The following PACS1 variants were observed in gnomAD, a reference collection of about 807,000 sequenced individuals.
PACS1 encodes phosphofurin acidic cluster sorting protein 1, also known as PACS-1.
In PACS1, 24 loss-of-function variants were observed where a neutral mutation model predicts 115.0. The ratio of observed to expected loss-of-function variants is 0.21; its 90% CI spans 0.15 to 0.29. The LOEUF (loss-of-function observed/expected upper bound fraction) is 0.29. PACS1 is among the 10% of genes least tolerant of loss of function. The pLI is 1.00. For synonymous variants in PACS1, 453 were observed against 504.5 expected (o/e 0.90, Z 1.37); for missense variants, 838 against 1,251.2 (o/e 0.67, Z 4.98).
chr11:66,071,021 C>T (rs1857299918), intron 1 of PACS1, among the ~76,000 whole-genome samples, 179 bp downstream of exon 1: 1 of 152,244 alleles, frequency 6.6e-6, no homozygotes, highest in South Asian at 2.1e-4. Flanking sequence ...CCTCTCCTGG[C>T]AGCCCCACCT....
intron 1 of PACS1, among the ~76,000 whole-genome samples, chr11:66,109,960 C>T (rs900779085): frequency 6.6e-6 from 1 of 152,176 alleles, no homozygotes; most frequent in Non-Finnish European, 1.5e-5. Flanking sequence ...ATAAACGGCA[C>T]AAGTGATTTG....
intron 21 of PACS1, chr11:66,241,125 C>G (rs994083405): frequency 1.2e-5 from 4 of 341,350 alleles, no homozygotes; most frequent in African/African-American, 8.3e-5. Context: ...TGCACGCATG[C>G]ACTTATGTAC....
chr11:66,075,798 G>A (rs951448620), intron 1 of PACS1, among the ~76,000 whole-genome samples: 15 of 150,342 alleles, frequency 1.0e-4, no homozygotes, highest in African/African-American at 3.4e-4. Flanking sequence ...GAATGCAGTG[G>A]CGCGATCTGG....
At chr11:66,097,015 TG>T (rs1479399808) in intron 1 of PACS1, among the ~76,000 whole-genome samples, 2 of 152,076 alleles carry the variant, frequency 1.3e-5, no homozygotes, top group Admixed American at 6.6e-5. Context: ...TTCATTTCTT[TG>T]GGGGTACATA....
chr11:66,195,922 T>C (rs2134677197), intron 2 of PACS1, among the ~76,000 whole-genome samples: 1 of 152,306 alleles, frequency 6.6e-6, no homozygotes, highest in East Asian at 1.9e-4. Context: ...TTCATGATAA[T>C]ACTGTGGCAT....
chr11:66,168,976 T>C (rs954134681), intron 1 of PACS1, among the ~76,000 whole-genome samples: 1 of 150,448 alleles, frequency 6.6e-6, no homozygotes, highest in African/African-American at 2.5e-5. Context: ...GTTTCTTCCA[T>C]TTCAAACTTC....
At chr11:66,110,754 A>G (rs1858169803) in intron 1 of PACS1, among the ~76,000 whole-genome samples, 1 of 152,050 alleles carries the variant, frequency 6.6e-6, no homozygotes. Context: ...ATTTTAGTAG[A>G]GACGGGGTTT....
In PACS1 at chr11:66,070,492, G is replaced by C; in HGVS notation, c.6G>C (p.Ala2=). ...AACCCCCGCCTAGCCGGGCCATGGC[G>C]GAACGCGGAGGGGCGGGCGGTGGTC... M[A]ERGGAGGGPG... is the part of the protein sequence containing the mutation. Residue 2 remains alanine, a synonymous_variant, in exon 1 of 24, where the codon GCG becomes GCC. Transcript: ENST00000320580. The surrounding 1 kb of genome is among the most constrained non-coding windows in gnomAD (Gnocchi z 5.9). 1 of 1,287,084 alleles carries C rather than the reference G, an allele frequency of 7.8e-7. No individual in the cohort carries two copies. The allele number at this position is 1,287,084 out of a possible 1,614,324, so 79.7% of individuals were successfully genotyped here.
intron 1 of PACS1, among the ~76,000 whole-genome samples, chr11:66,190,924 A>G (rs561618927): frequency 2.6e-5 from 4 of 152,272 alleles, no homozygotes; most frequent in African/African-American, 9.6e-5. Flanking sequence ...GGAGGCGGTG[A>G]CGTGATGGGG....
Position 66,098,197 on chromosome 11 carries a change from GAGTA to G in PACS1, c.356+27358_356+27361del, listed in dbSNP as rs143025601. On this transcript the variant is annotated intron_variant, in intron 1 of 23. Transcript: ENST00000320580. The stretch of plus-strand genomic sequence containing the variant: ...GTCTCAAAAATAATAAAAATAATAA[GAGTA>G]AGAATAATCAATATGTTTGTCTTTT... 8.3e-3 allele frequency among the ~76,000 whole-genome samples: 1,256 copies of G among 152,156 alleles called. 82 individuals carry two copies. The East Asian group carries it at 0.17, about 21-fold the overall frequency.
chr11:66,221,368 C>G (rs1303863201), intron 10 of PACS1, 121 bp downstream of exon 10: 2 of 833,042 alleles, frequency 2.4e-6, no homozygotes, highest in Admixed American at 4.1e-5. Context: ...GCCCCATTGG[C>G]TGGGCATGGT....
intron 21 of PACS1, among the ~76,000 whole-genome samples, chr11:66,239,846 T>C (rs1304977506): frequency 6.6e-6 from 1 of 152,224 alleles, no homozygotes; most frequent in African/African-American, 2.4e-5. Context: ...GTGGCCACCT[T>C]GCAGGACTGT....
intron 1 of PACS1, among the ~76,000 whole-genome samples, chr11:66,160,872 T>C (rs564453897): frequency 1.3e-5 from 2 of 152,070 alleles, no homozygotes; most frequent in East Asian, 3.9e-4. Context: ...AATAGAACAG[T>C]GTTAGCATCT....
At position 66,241,657 on chromosome 11, in the gene PACS1, A is replaced by T. The variant is rs1440932217; in HGVS notation, c.2656+4A>T. The stretch of plus-strand genomic sequence containing the variant: ...ACCAAAGAAAAGAACAAGAAAGGTA[A>T]GTACCCCCAAGGCCGGGGAAGACCA... On this transcript the variant is annotated splice_donor_region_variant and intron_variant, in intron 22 of 23. Coordinates refer to ENST00000320580, the MANE Select transcript of PACS1 (RefSeq NM_018026.4). 1 of 1,609,074 alleles carries T rather than the reference A, an allele frequency of 6.2e-7. No individual in the cohort carries two copies. The highest frequency in any genetic ancestry group is 8.5e-7 in the Non-Finnish European group (1 of 1,175,830).
At chr11:66,136,572 A>G (rs1238554101) in intron 1 of PACS1, among the ~76,000 whole-genome samples, 1 of 152,082 alleles carries the variant, frequency 6.6e-6, no homozygotes, top group African/African-American at 2.4e-5. Context: ...GTCTTTGAAT[A>G]GAATTGCATA....
Position 66,236,069 on chromosome 11 carries a change from G to T in PACS1, c.2250+129G>T. The T allele has an allele frequency of 8.0e-6, 7 of 872,996 alleles. No homozygotes were observed. The highest frequency in any genetic ancestry group is 1.4e-5 in the Non-Finnish European group (7 of 510,556). The allele number at this position is 872,996 out of a possible 1,614,324, so 54.1% of individuals were successfully genotyped here. ...AGACACTGGAGATTTTGCCTCCAGG[G>T]ACTACCTGGCAGTGTCTGGAGACGT... On this transcript the variant is annotated intron_variant, in intron 19 of 23. Coordinates refer to ENST00000320580, the MANE Select transcript of PACS1 (RefSeq NM_018026.4). The surrounding 1 kb of genome is among the most constrained non-coding windows in gnomAD (Gnocchi z 4.2).
intron 1 of PACS1, among the ~76,000 whole-genome samples, chr11:66,168,247 G>A (rs1372691018): frequency 1.3e-5 from 2 of 150,466 alleles, no homozygotes; most frequent in African/African-American, 5.0e-5. Context: ...GGAAAATCCT[G>A]TTGGAATTTT....
chr11:66,230,135 T>A (rs1196065745), intron 11 of PACS1, among the ~76,000 whole-genome samples: 41 of 96,884 alleles, frequency 4.2e-4, no homozygotes, highest in African/African-American at 1.1e-3. Context: ...GGAATGGGGC[T>A]AAAAAAAAAA....
intron 1 of PACS1, among the ~76,000 whole-genome samples, chr11:66,117,837 T>C (rs1590755888): frequency 6.6e-6 from 1 of 151,522 alleles, no homozygotes; most frequent in South Asian, 2.1e-4. Context: ...AAGAGTGAAA[T>C]GCCATCTCAA....
Sources: allele counts gnomAD v4.1 joint callset (sites outside exome capture counted in the v4.1 genomes callset), GRCh38; gene constraint gnomAD v4.1.1; non-coding constraint Gnocchi (gnomAD v3.1); transcripts MANE v1.5; gene names NCBI Gene and HGNC (gene_info 2026-07-23, HGNC 2026-07-21).